Variants in LAMA5 observed in about 807,000 individuals in gnomAD.
LAMA5 encodes laminin subunit alpha 5.
LAMA5 carries 260 observed loss-of-function variants against 433.4 expected under a neutral mutation model. That is an observed-to-expected ratio of 0.60 (90% CI 0.54 to 0.66). The LOEUF (loss-of-function observed/expected upper bound fraction) is 0.66, where lower values mean the gene tolerates loss of function less well. Among genes scored for constraint, LAMA5 ranks in the 30% least tolerant of loss-of-function variants. LAMA5 has a pLI of 0.00. For missense variants in LAMA5, 5,378 were observed against 5,258.5 expected (o/e 1.02, Z -0.70); for synonymous variants, 2,620 against 2,226.6 (o/e 1.18, Z -4.97).
At chr20:62,339,545 T>C (rs545947634) in intron 11 of LAMA5, among the ~76,000 whole-genome samples, 62 of 152,188 alleles carry the variant, frequency 4.1e-4, no homozygotes, top group Admixed American at 1.5e-3. Context: ...TGTCAGGTGT[T>C]GGGAAGAAGG....
At position 62,337,931 on chromosome 20, in the gene LAMA5, G is replaced by A. The variant is rs1415281476; in HGVS notation, c.1899C>T (p.Thr633=). ...YHGFPNCQAC[T]CDPRGALDQL... ...GGTCCAGGGCTCCCCGAGGGTCGCA[G>A]GTGCATGCTGCAGAGGGACAATGGG... Residue 633 remains threonine, a synonymous_variant, in exon 15 of 80, where the codon ACC becomes ACT. Coordinates refer to ENST00000252999, the MANE Select transcript of LAMA5 (RefSeq NM_005560.6). The A allele has an allele frequency of 6.2e-7, 1 of 1,609,354 alleles. No individual in the cohort carries two copies. The highest frequency in any genetic ancestry group is 1.7e-5 in the Admixed American group (1 of 59,480).
chr20:62,353,311 G>T, intron 2 of LAMA5, 60 bp from the exon 3 acceptor site: 1 of 1,249,764 alleles, frequency 8.0e-7, no homozygotes. Context: ...GCTCCCAGGG[G>T]CCTGGCTCAT....
In LAMA5 at chr20:62,309,433, C is replaced by T. The variant is rs1467645718; in HGVS notation, c.10991G>A (p.Cys3664Tyr). The change falls in exon 80 of 80, where the codon TGC (cysteine) becomes TAC (tyrosine). Residue 3664 changes from cysteine (C) to tyrosine (Y), a missense_variant. Transcript: ENST00000252999. ...VQPWPPAYCGCMRRLAVNRSP... is the reference protein window; with the variant it reads ...VQPWPPAYCGYMRRLAVNRSP... The stretch of plus-strand genomic sequence containing the variant: ...CCGGTTCACCGCCAGCCTCCTCATG[C>T]AGCCGCAGTAGGCGGGGGGCCAGGG... 19 of 1,584,546 alleles carry T rather than the reference C, an allele frequency of 1.2e-5. No individual in the cohort carries two copies. In the East Asian group the frequency reaches 1.8e-4, roughly 15 times the overall value.
intron 38 of LAMA5, 38 bp downstream of exon 38, chr20:62,327,195 C>G (rs749440429): frequency 6.8e-7 from 1 of 1,461,920 alleles, no homozygotes; most frequent in African/African-American, 1.4e-5. Flanking sequence ...TCCTGGCCAT[C>G]CTCAAAGTGC....
chr20:62,340,474 G>A (rs983163377), intron 11 of LAMA5, among the ~76,000 whole-genome samples: 1 of 151,758 alleles, frequency 6.6e-6, no homozygotes, highest in South Asian at 2.1e-4. Context: ...ACCATGCACA[G>A]CTTATTTTGT....
rs1987029317 is a variant in LAMA5, at chr20:62,317,131, T to A, written c.7512-108A>T. ...GCCGTGCCCGTGCCTGCCCGCCAAG[T>A]CCCGCCTCCAGGTCTTTGCCCGTGC... On this transcript the variant is annotated intron_variant, in intron 55 of 79. Transcript: ENST00000252999. 2.3e-6 allele frequency: 3 copies of A among 1,321,824 alleles called. No individual in the cohort carries two copies. In the Admixed American group the frequency reaches 8.9e-5, roughly 39 times the overall value. The allele number at this position is 1,321,824 out of a possible 1,614,324, so 81.9% of individuals were successfully genotyped here. A position where few individuals can be genotyped will look rare whatever the true frequency, so the allele number is the denominator to read the frequency against.
chr20:62,309,775 C>T lies in LAMA5; in HGVS notation c.10889G>A (p.Gly3630Asp), dbSNP rs1985995607. The T allele has an allele frequency of 1.2e-6, 2 of 1,607,450 alleles. No homozygotes were observed. Among genetic ancestry groups the T allele is most frequent in the East Asian group, 2.2e-5 (1 of 44,832 alleles). The change falls in exon 79 of 80, where the codon GGC becomes GAC. Residue 3630 changes from glycine to aspartate, a missense_variant. By Grantham distance (94) the Gly-to-Asp change is moderately conservative (BLOSUM62 -1). Transcript: ENST00000252999. ...ACCAGCTGCAGCCGCCAGCAAGGGG[C>T]CCACGGTGTGGTTGCTCTGCGCGTC... is the stretch of plus-strand genomic sequence containing the variant. ...EVDAQSNHTV[G>D]PLLAAAAGAP...
In LAMA5 at chr20:62,347,020, C is replaced by T; in HGVS notation, c.965G>A (p.Cys322Tyr). ...CCCGCAGGTGTTGTGCTGGCAGGTG[C>T]ACTGCAGCCTGTGGGGTACACAGGA... is the stretch of plus-strand genomic sequence containing the variant. ...KDPTDPFRLQCTCQHNTCGGT... is the reference protein window; with the variant it reads ...KDPTDPFRLQYTCQHNTCGGT... Residue 322 changes from cysteine to tyrosine, a missense_variant, in exon 7 of 80, where the codon TGC (cysteine) becomes TAC (tyrosine). Physicochemically the swap from Cys to Tyr is radical, Grantham distance 194. Transcript: ENST00000252999. The T allele has an allele frequency of 6.2e-7, 1 of 1,611,034 alleles. No individual in the cohort carries two copies. The highest frequency in any genetic ancestry group is 1.7e-5 in the Admixed American group (1 of 59,968).
chr20:62,314,892 C>G lies in LAMA5; in HGVS notation c.8103G>C (p.Glu2701Asp). 2 of 1,610,950 alleles carry G rather than the reference C, an allele frequency of 1.2e-6. No homozygotes were observed. Among genetic ancestry groups the G allele is most frequent in the East Asian group, 4.5e-5 (2 of 44,868 alleles). ...GGCTGGCGTTGTGCACCCCACGGTT[C>G]TCCAGGATGCTCAGCTTGGCCAGCA... ...PQLLAKLSILENRGVHNASLA... is the reference protein window; with the variant it reads ...PQLLAKLSILDNRGVHNASLA... Residue 2701 changes from glutamate to aspartate, a missense_variant, in exon 60 of 80, where the codon GAG becomes GAC. Glu to Asp is a conservative substitution (Grantham distance 45). Transcript: ENST00000252999.
At chr20:62,334,765 G>T in intron 20 of LAMA5, 144 bp from the exon 21 acceptor site, 1 of 582,512 alleles carries the variant, frequency 1.7e-6, no homozygotes, top group Non-Finnish European at 2.9e-6. Flanking sequence ...GGGCGAGGGC[G>T]AGGGCGAGGG....
intron 2 of LAMA5, among the ~76,000 whole-genome samples, chr20:62,354,945 T>C (rs567622254): frequency 6.6e-6 from 1 of 152,284 alleles, no homozygotes; most frequent in East Asian, 1.9e-4. Context: ...CCCCCGCCTG[T>C]GCGAGGAGGC....
In LAMA5 at chr20:62,313,682, G is replaced by A; in HGVS notation, c.8625C>T (p.Val2875=). The A allele has an allele frequency of 5.6e-6, 9 of 1,612,820 alleles. No homozygotes were observed. Among genetic ancestry groups the A allele is most frequent in the South Asian group, 2.2e-5 (2 of 91,088 alleles). ...GLLNLRPDDF[V]FYVGGYPSTF... is the part of the protein sequence containing the mutation. ...TACTGGGGTACCCCCCGACGTAGAA[G>A]ACGAAGTCGTCTGGCCGCAGGTTGA... Residue 2875 remains valine (V), a synonymous_variant, in exon 63 of 80, where the codon GTC becomes GTT. Transcript: ENST00000252999.
rs1986691286 is a variant in LAMA5 at position 62,314,306 on chromosome 20, G to A, written c.8502C>T (p.Asp2834=). The change falls in exon 62 of 80, where the codon GAC becomes GAT. Residue 2834 remains aspartate (D), a splice_region_variant and synonymous_variant. Coordinates refer to ENST00000252999, the MANE Select transcript of LAMA5 (RefSeq NM_005560.6). ...IGEQFAAVSL[D]RTLQFGHMSV... ...GGCCTCTCTCCTGGGCCTCCCACCTGTCCAGGCTGACAGCTGCGAACTGCT... is the reference window on the plus strand; with the variant it reads ...GGCCTCTCTCCTGGGCCTCCCACCTATCCAGGCTGACAGCTGCGAACTGCT... 2 of 1,612,848 alleles carry A rather than the reference G, an allele frequency of 1.2e-6. No homozygotes were observed. The highest frequency in any genetic ancestry group is 1.3e-5 in the African/African-American group (1 of 74,856).
chr20:62,333,689 G>T lies in LAMA5; in HGVS notation c.2896C>A (p.Pro966Thr). 6.3e-7 allele frequency: 1 copy of T among 1,594,162 alleles called. No homozygotes were observed. The highest frequency in any genetic ancestry group is 2.3e-5 in the East Asian group (1 of 44,272). The change falls in exon 24 of 80, where the codon CCC (proline) becomes ACC (threonine). Residue 966 changes from proline (P) to threonine (T), a missense_variant. Coordinates refer to ENST00000252999, the MANE Select transcript of LAMA5 (RefSeq NM_005560.6). ...TCANCTAQSQ[P>T]VAFPPSTEPA... ...TCCGTGCTGGGTGGGAAGGCCACGG[G>T]CTGACTCTGTGCTGTGCCTGGGCGG...
At chr20:62,334,144 C>CCA (rs764676515) in intron 22 of LAMA5, 42 bp downstream of exon 22, 1 of 1,595,086 alleles carries the variant, frequency 6.3e-7, no homozygotes, top group Non-Finnish European at 8.6e-7. Context: ...ACGCCTGGCT[C>CCA]CACTTCTAGG....
chr20:62,312,497 C>G lies in LAMA5; in HGVS notation c.9263G>C (p.Arg3088Pro), dbSNP rs145192286. Residue 3088 changes from arginine to proline, a missense_variant, in exon 68 of 80, where the codon CGT (arginine) becomes CCT (proline). Transcript: ENST00000252999. ...RRLFPTGGSV[R>P]GCVKGIKALG... ...GGCCTTGATGCCTTTGACGCAGCCA[C>G]GGACTGAGCCTCCGGTGGGGAAGAG... is the stretch of plus-strand genomic sequence containing the variant. 2.5e-6 allele frequency: 4 copies of G among 1,598,708 alleles called. No homozygotes were observed. Among genetic ancestry groups the G allele is most frequent in the Non-Finnish European group, 3.4e-6 (4 of 1,179,662 alleles).
intron 2 of LAMA5, among the ~76,000 whole-genome samples, chr20:62,354,049 C>G (rs1306544448): frequency 6.6e-6 from 1 of 151,998 alleles, no homozygotes; most frequent in Non-Finnish European, 1.5e-5. Flanking sequence ...CTCCGAAACC[C>G]CAAGCCCCTG....
chr20:62,312,433 T>C lies in LAMA5; in HGVS notation c.9327A>G (p.Thr3109=). Residue 3109 remains threonine, a synonymous_variant, in exon 68 of 80, where the codon ACA becomes ACG. Coordinates refer to ENST00000252999, the MANE Select transcript of LAMA5 (RefSeq NM_005560.6). The part of the protein sequence containing the change: ...KYVDLKRLNT[T]GVSAGCTADL... ...CGGCGGTGCAGCCGGCGCTCACGCC[T>C]GTCGTGTTCAGCCGCTTGAGGTCCA... is the stretch of plus-strand genomic sequence containing the variant. The C allele has an allele frequency of 6.3e-7, 1 of 1,598,108 alleles. No homozygotes were observed. Among genetic ancestry groups the C allele is most frequent in the Non-Finnish European group, 8.5e-7 (1 of 1,179,534 alleles).
Position 62,338,320 on chromosome 20 carries a change from G to T in LAMA5, c.1668C>A (p.Asp556Glu). 6.2e-7 allele frequency: 1 copy of T among 1,608,266 alleles called. No homozygotes were observed. Among genetic ancestry groups the T allele is most frequent in the South Asian group, 1.1e-5 (1 of 90,270 alleles). The change falls in exon 13 of 80, where the codon GAC (aspartate) becomes GAA (glutamate). Residue 556 changes from aspartate to glutamate, a missense_variant. Asp to Glu is a conservative substitution (Grantham distance 45). Transcript: ENST00000252999. ...PGVADDRCDPDTGQCRCRVGF... is the reference protein window; with the variant it reads ...PGVADDRCDPETGQCRCRVGF... ...CCACTCGGCACCTGCACTGGCCTGT[G>T]TCAGGGTCACAGCGGTCATCGGCCA...
Sources: allele counts gnomAD v4.1 joint callset (sites outside exome capture counted in the v4.1 genomes callset), GRCh38; gene constraint gnomAD v4.1.1; transcripts MANE v1.5; gene names NCBI Gene and HGNC (gene_info 2026-07-23, HGNC 2026-07-21).